ZDHHC18: variants seen among roughly 807,000 people sequenced by gnomAD.
The protein encoded by ZDHHC18 is palmitoyltransferase ZDHHC18.
In ZDHHC18, 23 loss-of-function variants were observed where a neutral mutation model predicts 37.5. The ratio of observed to expected loss-of-function variants is 0.61; its 90% CI spans 0.44 to 0.87. The LOEUF is 0.87. Among genes scored for constraint, ZDHHC18 ranks in the 40% least tolerant of loss-of-function variants. The probability of loss-of-function intolerance (pLI) is 0.00; values close to 1 mark genes in which losing one functional copy is unlikely to be tolerated. For synonymous variants in ZDHHC18, 185 were observed against 218.7 expected (o/e 0.85, Z 1.36); for missense variants, 406 against 525.6 (o/e 0.77, Z 2.22).
chr1:26,834,759 G>A (rs562233494), intron 2 of ZDHHC18, among the ~76,000 whole-genome samples: 1 of 152,238 alleles, frequency 6.6e-6, no homozygotes, highest in Non-Finnish European at 1.5e-5. Context: ...CTCTGTCAGG[G>A]TGACAGGTGA....
In ZDHHC18 at chr1:26,850,241, A is replaced by G; in HGVS notation, c.647-60A>G. Reference sequence around the variant, plus strand: ...GCCCCAGCCATGGGTGAGGCCGCCAAATGCCTGTGCTGGCTGCAGGCCAGC... The same window carrying G: ...GCCCCAGCCATGGGTGAGGCCGCCAGATGCCTGTGCTGGCTGCAGGCCAGC... On this transcript the variant is annotated intron_variant, in intron 3 of 7. Coordinates refer to ENST00000374142, the MANE Select transcript of ZDHHC18 (RefSeq NM_032283.3). The surrounding 1 kb of genome is among the most constrained non-coding windows in gnomAD (Gnocchi z 6.1). The G allele has an allele frequency of 3.2e-6, 5 of 1,587,016 alleles. No homozygotes were observed. The South Asian group carries it at 5.6e-5, about 18-fold the overall frequency.
rs375212241 is a variant in ZDHHC18, at chr1:26,855,277, G to A, written c.*1434G>A. On this transcript the variant is annotated 3_prime_UTR_variant, in exon 8 of 8. Coordinates refer to ENST00000374142, the MANE Select transcript of ZDHHC18 (RefSeq NM_032283.3). ...GGAAGACAAGGTGTTTCTGCCAAAC[G>A]GGGACCTCCATCCAGAGAAAAGGAA... 16 of 152,498 alleles carry A rather than the reference G, an allele frequency of 1.0e-4. No individual in the cohort carries two copies. Among genetic ancestry groups the A allele is most frequent in the South Asian group, 2.1e-4 (1 of 4,834 alleles). 9.4% of individuals were successfully genotyped at this position (152,498 alleles called of 1,614,324 possible). A position where few individuals can be genotyped will look rare whatever the true frequency, so the allele number is the denominator to read the frequency against.
intron 1 of ZDHHC18, among the ~76,000 whole-genome samples, chr1:26,831,653 T>C (rs1178282685): frequency 1.3e-5 from 2 of 152,150 alleles, no homozygotes; most frequent in Non-Finnish European, 2.9e-5. Context: ...TGAAGAGGGC[T>C]GTGGTAGGCA....
At chr1:26,851,416 C>G (rs17162316) in intron 6 of ZDHHC18, among the ~76,000 whole-genome samples, 185 bp downstream of exon 6, 20,391 of 152,208 alleles carry the variant, frequency 0.13, 1,485 homozygotes, top group Non-Finnish European at 0.17. Context: ...AGGCTTCTGA[C>G]ACCTCCACAT....
In ZDHHC18 at chr1:26,850,471, A is replaced by G. The variant is rs1553158325; in HGVS notation, c.784+33A>G. The G allele has an allele frequency of 3.1e-6, 5 of 1,614,206 alleles. No individual in the cohort carries two copies. In the South Asian group the frequency reaches 5.5e-5, roughly 18 times the overall value. ...GTGGGTGAGGGCAGTGGGGAGTGGA[A>G]GGGGTCAGCCAGCAAGCTCAAGGGT... On this transcript the variant is annotated intron_variant, in intron 4 of 7. Transcript: ENST00000374142. This position sits in a 1 kb window ranked among gnomAD's most constrained non-coding sequence, Gnocchi z 6.1.
chr1:26,851,253 C>T (rs942778904), intron 6 of ZDHHC18, 22 bp downstream of exon 6: 2 of 1,610,550 alleles, frequency 1.2e-6, no homozygotes, highest in African/African-American at 2.7e-5. Flanking sequence ...TGGAGCCACC[C>T]CTCATTCTAG....
chr1:26,841,692 T>A (rs917435698), intron 2 of ZDHHC18, among the ~76,000 whole-genome samples: 3 of 152,100 alleles, frequency 2.0e-5, no homozygotes, highest in African/African-American at 7.2e-5. Context: ...TTCTGCATCC[T>A]GGAGGGTCAT....
At chr1:26,830,215 C>A (rs367968459) in intron 1 of ZDHHC18, among the ~76,000 whole-genome samples, 1 of 152,282 alleles carries the variant, frequency 6.6e-6, no homozygotes, top group South Asian at 2.1e-4. Context: ...CCCAGGGCCC[C>A]GTCATCTCCT....
intron 2 of ZDHHC18, among the ~76,000 whole-genome samples, chr1:26,837,279 A>T (rs902494668): frequency 5.5e-5 from 8 of 145,762 alleles, no homozygotes; most frequent in African/African-American, 1.5e-4. Context: ...TATATATATA[A>T]AATATACATT....
At chr1:26,827,251 C>T in intron 1 of ZDHHC18, 112 bp downstream of exon 1, 1 of 939,776 alleles carries the variant, frequency 1.1e-6, no homozygotes, top group Non-Finnish European at 1.4e-6. Flanking sequence ...TCCTCATCCT[C>T]CCCGCCCCTT....
chr1:26,827,185 AC>A lies in ZDHHC18; in HGVS notation c.335+50del, dbSNP rs769681028. Reference sequence around the variant, plus strand: ...GCCCCCTCCCAGCCCCCTGCCGCGCACCCCACCTTCCCAATCCCTGCTGGGC... The same window carrying A: ...GCCCCCTCCCAGCCCCCTGCCGCGCACCCACCTTCCCAATCCCTGCTGGGC... On this transcript the variant is annotated intron_variant, in intron 1 of 7. Coordinates refer to ENST00000374142, the MANE Select transcript of ZDHHC18 (RefSeq NM_032283.3). 1.4e-5 allele frequency: 15 copies of A among 1,101,372 alleles called. No individual in the cohort carries two copies. In the African/African-American group the frequency reaches 2.7e-4, roughly 20 times the overall value. The allele number at this position is 1,101,372 out of a possible 1,614,324, so 68.2% of individuals were successfully genotyped here.
chr1:26,848,480 T>C lies in ZDHHC18; in HGVS notation c.497-128T>C, dbSNP rs1054425759. ...AGGCCAGACATTTTACTCCAATGTT[T>C]GTTCCTGGGAACCTGTTACCCTGAG... On this transcript the variant is annotated intron_variant, in intron 2 of 7. Coordinates refer to ENST00000374142, the MANE Select transcript of ZDHHC18 (RefSeq NM_032283.3). The C allele has an allele frequency of 1.1e-4, 138 of 1,254,054 alleles. 1 individual carries two copies. Among genetic ancestry groups the C allele is most frequent in the Non-Finnish European group, 1.5e-4 (134 of 887,576 alleles). 77.7% of individuals were successfully genotyped at this position (1,254,054 alleles called of 1,614,324 possible).
chr1:26,847,304 T>C (rs1265067063), intron 2 of ZDHHC18, among the ~76,000 whole-genome samples: 1 of 151,976 alleles, frequency 6.6e-6, no homozygotes, highest in Non-Finnish European at 1.5e-5. Context: ...CTGGAACTCC[T>C]GGGCTCAAAT....
intron 1 of ZDHHC18, 114 bp from the exon 2 acceptor site, chr1:26,832,333 T>C (rs2081591754): frequency 7.5e-7 from 1 of 1,331,882 alleles, no homozygotes; most frequent in Admixed American, 1.9e-5. Context: ...AGCGAGGCTG[T>C]ATTCAAGATT....
At chr1:26,830,512 A>T (rs962492888) in intron 1 of ZDHHC18, among the ~76,000 whole-genome samples, 1 of 151,450 alleles carries the variant, frequency 6.6e-6, no homozygotes, top group African/African-American at 2.5e-5. Context: ...GTAACTATCT[A>T]CATAGTACAG....
rs934622276 is a variant in ZDHHC18, at chr1:26,827,201, C to G, written c.335+62C>G. 1.8e-5 allele frequency: 22 copies of G among 1,218,480 alleles called. No individual in the cohort carries two copies. In the African/African-American group the frequency reaches 2.4e-4, roughly 13 times the overall value. 75.5% of individuals were successfully genotyped at this position (1,218,480 alleles called of 1,614,324 possible). On this transcript the variant is annotated intron_variant, in intron 1 of 7. Coordinates refer to ENST00000374142, the MANE Select transcript of ZDHHC18 (RefSeq NM_032283.3). ...CTGCCGCGCACCCCACCTTCCCAAT[C>G]CCTGCTGGGCACTCCGTGCCTTCCC... is the stretch of plus-strand genomic sequence containing the variant.
At chr1:26,828,622 C>CT in intron 1 of ZDHHC18, among the ~76,000 whole-genome samples, 1 of 152,106 alleles carries the variant, frequency 6.6e-6, no homozygotes. Flanking sequence ...GTATCTGCAA[C>CT]TTTGGGTTTC....
At position 26,826,728 on chromosome 1, in the gene ZDHHC18, A is replaced by G. The variant is rs1397649267; in HGVS notation, c.-77A>G. Reference sequence around the variant, plus strand: ...GAGCGCCGCGCGCGCCGCCGCTGCCACCTCCGCTGCTCGGCCCGGTCCCGG... The same window carrying G: ...GAGCGCCGCGCGCGCCGCCGCTGCCGCCTCCGCTGCTCGGCCCGGTCCCGG... On this transcript the variant is annotated 5_prime_UTR_variant, in exon 1 of 8. Coordinates refer to ENST00000374142, the MANE Select transcript of ZDHHC18 (RefSeq NM_032283.3). This position sits in a 1 kb window ranked among gnomAD's most constrained non-coding sequence, Gnocchi z 5.2. 4.2e-6 allele frequency: 3 copies of G among 721,158 alleles called. No homozygotes were observed. The highest frequency in any genetic ancestry group is 1.3e-4 in the East Asian group (1 of 7,470). The allele number at this position is 721,158 out of a possible 1,614,324, so 44.7% of individuals were successfully genotyped here.
chr1:26,848,547 T>A (rs537963714), intron 2 of ZDHHC18, 61 bp from the exon 3 acceptor site: 1 of 1,576,582 alleles, frequency 6.3e-7, no homozygotes, highest in Non-Finnish European at 8.7e-7. Context: ...TTTCCCCTGC[T>A]GGGGATCCGG....
Sources: allele counts gnomAD v4.1 joint callset (sites outside exome capture counted in the v4.1 genomes callset), GRCh38; gene constraint gnomAD v4.1.1; non-coding constraint Gnocchi (gnomAD v3.1); transcripts MANE v1.5; gene names NCBI Gene and HGNC (gene_info 2026-07-23, HGNC 2026-07-21).